The following ARID1B variants were observed in gnomAD, a reference collection of about 807,000 sequenced individuals.
ARID1B encodes the protein AT-rich interaction domain 1B.
Under a neutral mutation model 212.3 loss-of-function variants are expected in ARID1B, and 30 were observed. That is an observed-to-expected ratio of 0.14 (90% CI 0.11 to 0.19). The LOEUF (loss-of-function observed/expected upper bound fraction) is 0.19. ARID1B is among the 10% of genes least tolerant of loss of function. The probability of loss-of-function intolerance (pLI) is 1.00; values close to 1 mark genes in which losing one functional copy is unlikely to be tolerated. For missense variants in ARID1B, 2,891 were observed against 3,204.0 expected (o/e 0.90, Z 2.36); for synonymous variants, 1,402 against 1,301.7 (o/e 1.08, Z -1.66).
At position 157,105,923 on chromosome 6, in the gene ARID1B, C is replaced by T. The variant is rs1786447363; in HGVS notation, c.2492-4549C>T. Reference sequence around the variant, plus strand: ...CCAAGACTGGTAAAATTTTTTTAAACAGCAATACATTCTATTAGTGAGGTT... The same window carrying T: ...CCAAGACTGGTAAAATTTTTTTAAATAGCAATACATTCTATTAGTGAGGTT... On this transcript the variant is annotated intron_variant, in intron 5 of 19. Coordinates refer to ENST00000636930, the MANE Select transcript of ARID1B (RefSeq NM_001374828.1). Among the ~76,000 whole-genome samples, 4 of 152,208 alleles carry T rather than the reference C, an allele frequency of 2.6e-5. No homozygotes were observed. In the South Asian group the frequency reaches 8.3e-4, roughly 32 times the overall value.
chr6:156,849,806 C>T (rs1277207988), intron 2 of ARID1B, among the ~76,000 whole-genome samples: 1 of 151,934 alleles, frequency 6.6e-6, no homozygotes, highest in Admixed American at 6.6e-5. Context: ...TTTGGGTGGA[C>T]CCTAAGGAGG....
intron 4 of ARID1B, among the ~76,000 whole-genome samples, chr6:157,066,764 G>A (rs1783700695): frequency 6.6e-6 from 1 of 152,190 alleles, no homozygotes; most frequent in Admixed American, 6.5e-5. Context: ...TTTGCTAGGA[G>A]AGGAAGGAGA....
intron 4 of ARID1B, among the ~76,000 whole-genome samples, chr6:156,964,421 C>G (rs1015967008): frequency 5.3e-5 from 8 of 152,308 alleles, no homozygotes; most frequent in African/African-American, 1.9e-4. Flanking sequence ...TAAAATTCTG[C>G]TAATTTCTTC....
chr6:156,793,138 G>A (rs1330905655), intron 1 of ARID1B, among the ~76,000 whole-genome samples: 1 of 152,116 alleles, frequency 6.6e-6, no homozygotes. Context: ...ATACCGGGGT[G>A]GGGGCATGAG....
At chr6:157,076,785 A>G (rs944783078) in intron 4 of ARID1B, among the ~76,000 whole-genome samples, 1 of 152,178 alleles carries the variant, frequency 6.6e-6, no homozygotes, top group Admixed American at 6.5e-5. Flanking sequence ...TCAAAAGCAC[A>G]TGGGTCATTA....
At chr6:156,928,613 G>A (rs1249958630) in intron 3 of ARID1B, among the ~76,000 whole-genome samples, 1 of 152,158 alleles carries the variant, frequency 6.6e-6, no homozygotes, top group East Asian at 1.9e-4. Context: ...GAGTCCTTGG[G>A]GTACAGACAC....
At chr6:157,163,576 C>G (rs1361001573) in intron 8 of ARID1B, among the ~76,000 whole-genome samples, 1 of 152,208 alleles carries the variant, frequency 6.6e-6, no homozygotes, top group Non-Finnish European at 1.5e-5. Flanking sequence ...ACCCACTGCT[C>G]TGCCCTGGCC....
At chr6:156,807,373 T>TA (rs1382163273) in intron 1 of ARID1B, among the ~76,000 whole-genome samples, 1 of 151,970 alleles carries the variant, frequency 6.6e-6, no homozygotes, top group African/African-American at 2.4e-5. Context: ...GCCATCTAGT[T>TA]GAGTTTCTTC....
At chr6:156,868,232 C>G (rs570999803) in intron 2 of ARID1B, among the ~76,000 whole-genome samples, 12 of 152,210 alleles carry the variant, frequency 7.9e-5, no homozygotes, top group Non-Finnish European at 1.8e-4. Context: ...ATTCTTCTTC[C>G]TCCCTGGAAA....
chr6:156,929,042 C>G (rs921463692), intron 3 of ARID1B, among the ~76,000 whole-genome samples: 44 of 152,156 alleles, frequency 2.9e-4, no homozygotes, highest in African/African-American at 1.0e-3. Context: ...CCATCACTTT[C>G]AGTTACTCCA....
At chr6:157,195,976 G>T in intron 15 of ARID1B, 189 bp from the exon 16 acceptor site, 1 of 564,914 alleles carries the variant, frequency 1.8e-6, no homozygotes. Flanking sequence ...CAGGAGAATC[G>T]CCTGAACCCG....
At chr6:157,135,607 G>A (rs1289812472) in intron 7 of ARID1B, among the ~76,000 whole-genome samples, 1 of 152,068 alleles carries the variant, frequency 6.6e-6, no homozygotes, top group African/African-American at 2.4e-5. Flanking sequence ...GTGCTGTGAG[G>A]GTCCTGGTAC....
intron 4 of ARID1B, among the ~76,000 whole-genome samples, chr6:156,971,031 C>T (rs2128345538): frequency 6.6e-6 from 1 of 152,298 alleles, no homozygotes; most frequent in South Asian, 2.1e-4. Context: ...ACTGCTGTGT[C>T]CTCATTCATC....
intron 1 of ARID1B, among the ~76,000 whole-genome samples, chr6:156,805,435 G>A (rs1781084686): frequency 6.6e-6 from 1 of 152,184 alleles, no homozygotes. Context: ...CATGTTTAAA[G>A]CATATAGGAT....
chr6:156,873,798 G>A (rs1269600724), intron 2 of ARID1B, among the ~76,000 whole-genome samples: 3 of 152,206 alleles, frequency 2.0e-5, no homozygotes, highest in Non-Finnish European at 2.9e-5. Context: ...AACTTCAGGC[G>A]TCTGATGAGT....
intron 15 of ARID1B, chr6:157,195,052 AGGT>A (rs1462282423): frequency 2.6e-5 from 4 of 152,244 alleles, no homozygotes; most frequent in African/African-American, 9.6e-5. Flanking sequence ...TTAAACTCAG[AGGT>A]AACTTACCCA....
chr6:156,876,515 A>G (rs534034694), intron 2 of ARID1B, among the ~76,000 whole-genome samples: 1 of 152,152 alleles, frequency 6.6e-6, no homozygotes, highest in African/African-American at 2.4e-5. Context: ...TTCCGAGTAT[A>G]CTCATGGTGT....
intron 9 of ARID1B, chr6:157,170,380 A>C (rs1791637580): frequency 6.6e-6 from 1 of 152,062 alleles, no homozygotes; most frequent in South Asian, 2.1e-4. Flanking sequence ...CTCACAAAGG[A>C]AGGTTTGGGT....
At chr6:157,107,784 G>A (rs1482515107) in intron 5 of ARID1B, 1 of 151,754 alleles carries the variant, frequency 6.6e-6, no homozygotes, top group Non-Finnish European at 1.5e-5. Flanking sequence ...ACTGTGCCCA[G>A]CAGTATGCGC....
Sources: gnomAD v4.1 joint callset for allele counts (sites outside exome capture counted in the v4.1 genomes callset) on GRCh38, gnomAD v4.1.1 for gene constraint, MANE v1.5 for transcripts, NCBI Gene and HGNC (gene_info 2026-07-23, HGNC 2026-07-21) for gene names.